The following URI1 variants were observed in gnomAD, a reference collection of about 807,000 sequenced individuals.
The protein encoded by URI1 is unconventional prefoldin RPB5 interactor 1.
URI1 carries 39 observed loss-of-function variants against 60.2 expected under a neutral mutation model. The observed-to-expected ratio is 0.65, with a 90% CI of 0.50 to 0.85. The LOEUF (loss-of-function observed/expected upper bound fraction) is 0.85, where lower values mean the gene tolerates loss of function less well. Among genes scored for constraint, URI1 ranks in the 40% least tolerant of loss-of-function variants. The pLI, the probability that URI1 is intolerant of heterozygous loss-of-function variation, is 0.00. For synonymous variants in URI1, 251 were observed against 236.8 expected (o/e 1.06, Z -0.55); for missense variants, 691 against 665.9 (o/e 1.04, Z -0.42).
intron 1 of URI1, among the ~76,000 whole-genome samples, chr19:29,933,887 T>C (rs1380915174): frequency 6.6e-6 from 1 of 151,940 alleles, no homozygotes; most frequent in Non-Finnish European, 1.5e-5. Flanking sequence ...TTTTCTGTTT[T>C]GTTTTTCTCC....
At chr19:30,001,460 T>C (rs1216534319) in intron 4 of URI1, among the ~76,000 whole-genome samples, 1 of 151,914 alleles carries the variant, frequency 6.6e-6, no homozygotes, top group African/African-American at 2.4e-5. Context: ...CTGGTTTCAC[T>C]AAGACATTTT....
intron 1 of URI1, among the ~76,000 whole-genome samples, chr19:29,931,326 T>A (rs2054915505): frequency 6.6e-6 from 1 of 152,186 alleles, no homozygotes; most frequent in East Asian, 1.9e-4. Context: ...GGATCCATGA[T>A]GAAGGTGTTG....
chr19:29,991,327 T>C (rs956889604), intron 4 of URI1, among the ~76,000 whole-genome samples: 4 of 152,216 alleles, frequency 2.6e-5, no homozygotes, highest in African/African-American at 7.2e-5. Context: ...ATATGCGTTT[T>C]GTTAGGTTTA....
chr19:29,997,337 AGTT>A (rs1478513950), intron 4 of URI1, among the ~76,000 whole-genome samples: 2 of 152,106 alleles, frequency 1.3e-5, no homozygotes, highest in East Asian at 1.9e-4. Context: ...GTTGGCAGTC[AGTT>A]GTTTGTACTA....
At position 29,942,360 on chromosome 19, in the gene URI1, C is replaced by T. The variant is rs2055038161; in HGVS notation, c.-188C>T. On this transcript the variant is annotated 5_prime_UTR_variant, in exon 1 of 11. Transcript: ENST00000392271. ...GCGGGGCGGCGGCGGCGGGGACATG[C>T]ACGTGTGAGATGCGGCAGCGGGCGG... 3 of 984,862 alleles carry T rather than the reference C, an allele frequency of 3.0e-6. No homozygotes were observed. The highest frequency in any genetic ancestry group is 3.6e-6 in the Non-Finnish European group (3 of 829,862). 61.0% of individuals were successfully genotyped at this position (984,862 alleles called of 1,614,324 possible). A position where few individuals can be genotyped will look rare whatever the true frequency, so the allele number is the denominator to read the frequency against.
chr19:30,010,656 G>C (rs2056005767), intron 8 of URI1, among the ~76,000 whole-genome samples: 2 of 152,118 alleles, frequency 1.3e-5, no homozygotes, highest in Admixed American at 1.3e-4. Context: ...CTAAAAATTA[G>C]AGATGTTTTA....
At chr19:29,949,738 T>G (rs2055154909) in intron 1 of URI1, among the ~76,000 whole-genome samples, 1 of 152,076 alleles carries the variant, frequency 6.6e-6, no homozygotes, top group Non-Finnish European at 1.5e-5. Flanking sequence ...CGAAACCCTG[T>G]CTCCACCAAA....
chr19:29,939,717 T>G (rs1317006475), upstream of URI1, among the ~76,000 whole-genome samples: 2 of 152,070 alleles, frequency 1.3e-5, no homozygotes, highest in Non-Finnish European at 2.9e-5. Context: ...GAGGCCTGAG[T>G]AATGGCAAGG....
chr19:29,952,920 G>A lies in URI1; in HGVS notation c.117+10256G>A, dbSNP rs1411278656. Among the ~76,000 whole-genome samples the A allele has an allele frequency of 3.9e-5, 6 of 152,108 alleles. No homozygotes were observed. In the East Asian group the frequency reaches 7.7e-4, roughly 20 times the overall value. On this transcript the variant is annotated intron_variant, in intron 1 of 10. Transcript: ENST00000392271. The stretch of plus-strand genomic sequence containing the variant: ...TTTATGACTATACATTTTGTTGCTT[G>A]TGTTTTTTGGTGTCATATCTAAGAA...
At position 30,012,315 on chromosome 19, in the gene URI1, T is replaced by C. The variant is rs748891531; in HGVS notation, c.1209T>C (p.Tyr403=). ...RAFVDVVNGE[Y]VPRKSILKSR... is the part of the protein sequence containing the mutation. The stretch of plus-strand genomic sequence containing the variant: ...TTGTTGATGTTGTGAATGGAGAATA[T>C]GTCCCTCGCAAATCCATCCTGAAGT... Residue 403 remains tyrosine, a synonymous_variant, in exon 10 of 11, where the codon TAT becomes TAC. Coordinates refer to ENST00000392271, the MANE Select transcript of URI1 (RefSeq NM_003796.3). The C allele has an allele frequency of 3.1e-6, 5 of 1,614,110 alleles. No homozygotes were observed. The highest frequency in any genetic ancestry group is 1.7e-5 in the Admixed American group (1 of 60,022).
At chr19:29,947,849 G>C (rs1043958723) in intron 1 of URI1, among the ~76,000 whole-genome samples, 14 of 152,074 alleles carry the variant, frequency 9.2e-5, no homozygotes, top group African/African-American at 3.4e-4. Flanking sequence ...TTTTTAAGAG[G>C]TCTTTCTTAC....
At chr19:29,923,679 G>T in exon 1 of URI1, 1 of 1,536,448 alleles carries the variant, frequency 6.5e-7, no homozygotes, top group South Asian at 1.2e-5. Context: ...GCTCCTTGGA[G>T]GTCACTGCCC....
At chr19:29,989,531 C>T (rs937504487) in intron 4 of URI1, among the ~76,000 whole-genome samples, 5 of 151,946 alleles carry the variant, frequency 3.3e-5, no homozygotes, top group Non-Finnish European at 5.9e-5. Flanking sequence ...TCAAGTGATT[C>T]TCCTGCTCAG....
intron 1 of URI1, among the ~76,000 whole-genome samples, chr19:29,960,138 C>G (rs899163723): frequency 1.6e-4 from 25 of 152,200 alleles, no homozygotes; most frequent in African/African-American, 5.5e-4. Flanking sequence ...TTCTGTTTCT[C>G]TAGTGTGGTC....
At chr19:29,966,992 G>A (rs1016025528) in intron 1 of URI1, among the ~76,000 whole-genome samples, 1 of 152,170 alleles carries the variant, frequency 6.6e-6, no homozygotes, top group Non-Finnish European at 1.5e-5. Context: ...TTCCAGTCTA[G>A]TTTTAGTGTG....
At chr19:30,008,806 C>T (rs1202058205) in intron 7 of URI1, among the ~76,000 whole-genome samples, 199 bp from the exon 8 acceptor site, 1 of 152,004 alleles carries the variant, frequency 6.6e-6, no homozygotes, top group Non-Finnish European at 1.5e-5. Flanking sequence ...TCTGAATAAC[C>T]TCAATATATA....
intron 1 of URI1, among the ~76,000 whole-genome samples, chr19:29,934,685 G>T (rs2054953395): frequency 6.6e-6 from 1 of 152,122 alleles, no homozygotes. Context: ...ACAGGCATGT[G>T]CCACCAAACC....
intron 1 of URI1, among the ~76,000 whole-genome samples, chr19:29,957,454 T>C (rs998202235): frequency 6.6e-6 from 1 of 152,108 alleles, no homozygotes. Flanking sequence ...TATGTGATTA[T>C]TTGTGTGTAG....
intron 1 of URI1, among the ~76,000 whole-genome samples, chr19:29,931,162 A>G (rs2054913983): frequency 6.6e-6 from 1 of 152,214 alleles, no homozygotes; most frequent in South Asian, 2.1e-4. Flanking sequence ...TTCTGCAAAA[A>G]AAATGCCATT....
Sources: gnomAD v4.1 joint callset for allele counts (sites outside exome capture counted in the v4.1 genomes callset) on GRCh38, gnomAD v4.1.1 for gene constraint, MANE v1.5 for transcripts, NCBI Gene and HGNC (gene_info 2026-07-23, HGNC 2026-07-21) for gene names.